PLCB4: variants seen among roughly 807,000 people sequenced by gnomAD.
PLCB4 encodes 1-phosphatidylinositol 4,5-bisphosphate phosphodiesterase beta-4.
Under a neutral mutation model 178.8 loss-of-function variants are expected in PLCB4, and 77 were observed. The observed-to-expected ratio is 0.43, with a 90% confidence interval of 0.36 to 0.52. The LOEUF is 0.52. Ranked by LOEUF, PLCB4 falls within the 20% of genes least tolerant of loss-of-function variation. The probability of loss-of-function intolerance (pLI) is 0.00; values close to 1 mark genes in which losing one functional copy is unlikely to be tolerated. For missense variants in PLCB4, 1,024 were observed against 1,453.4 expected (o/e 0.70, Z 4.80); for synonymous variants, 496 against 490.8 (o/e 1.01, Z -0.14).
intron 7 of PLCB4, among the ~76,000 whole-genome samples, chr20:9,354,465 T>C (rs2034610600): frequency 6.6e-6 from 1 of 152,220 alleles, no homozygotes. Flanking sequence ...TTCTACATGA[T>C]AGACACCTGG....
At chr20:9,148,084 A>G (rs985973757) in intron 2 of PLCB4, among the ~76,000 whole-genome samples, 2 of 152,116 alleles carry the variant, frequency 1.3e-5, no homozygotes, top group East Asian at 1.9e-4. Context: ...TTGTTTTTCT[A>G]TGGAATTATT....
At position 9,085,067 on chromosome 20, in the gene PLCB4, A is replaced by AAAG. The variant is rs10626848; in HGVS notation, c.-134-11219_-134-11218insAGA. ...GACTCCATCTCAAAAAAAAAAAAAA[A>AAAG]AGAATATATTACTTTTTCTTTTTCC... On this transcript the variant is annotated intron_variant, in intron 1 of 39. Coordinates refer to ENST00000378473, the MANE Select transcript of PLCB4 (RefSeq NM_001377142.1). Among the ~76,000 whole-genome samples, 156 of 143,424 alleles carry AAAG rather than the reference A, an allele frequency of 1.1e-3. 12 individuals are homozygous for AAAG. Among genetic ancestry groups the AAAG allele is most frequent in the East Asian group, 4.6e-3 (23 of 5,002 alleles). 94.1% of individuals were successfully genotyped at this position (143,424 alleles called of 152,430 possible). A position where few individuals can be genotyped will look rare whatever the true frequency, so the allele number is the denominator to read the frequency against.
rs145215445 is a variant in PLCB4, at chr20:9,315,251, G to A, written c.84+7353G>A. ...TATTGGAATCATTAGGCTACAACAA[G>A]CTATATAGCAACTTAATGATGATAA... On this transcript the variant is annotated intron_variant, in intron 4 of 39. Transcript: ENST00000378473. 4.3e-3 allele frequency among the ~76,000 whole-genome samples: 659 copies of A among 152,246 alleles called. 8 individuals are homozygous for A. The Middle Eastern group carries it at 0.061, about 14-fold the overall frequency.
At chr20:9,107,592 A>G (rs529524126) in intron 2 of PLCB4, among the ~76,000 whole-genome samples, 2 of 152,174 alleles carry the variant, frequency 1.3e-5, no homozygotes, top group Admixed American at 1.3e-4. Flanking sequence ...GCTGTTTCTG[A>G]AGAAGAGCAA....
At chr20:9,472,349 G>T in intron 36 of PLCB4, among the ~76,000 whole-genome samples, 1 of 152,198 alleles carries the variant, frequency 6.6e-6, no homozygotes, top group Non-Finnish European at 1.5e-5. Context: ...CAGGTGATTG[G>T]TATGCACAGG....
intron 3 of PLCB4, among the ~76,000 whole-genome samples, chr20:9,223,955 T>C (rs550796071): frequency 5.2e-4 from 79 of 152,304 alleles, no homozygotes; most frequent in East Asian, 3.9e-4. Context: ...AGAGATTGCA[T>C]TGTGTTCCTC....
intron 2 of PLCB4, among the ~76,000 whole-genome samples, chr20:9,113,127 C>T (rs2146701928): frequency 6.6e-6 from 1 of 152,252 alleles, no homozygotes; most frequent in South Asian, 2.1e-4. Context: ...ACAGCTTATA[C>T]TTAGAAGAAA....
intron 32 of PLCB4, among the ~76,000 whole-genome samples, chr20:9,447,481 AT>A (rs2042485281): frequency 6.6e-6 from 1 of 152,200 alleles, no homozygotes; most frequent in African/African-American, 2.4e-5. Flanking sequence ...GACCAAGCAG[AT>A]CAAGCATAGT....
intron 7 of PLCB4, among the ~76,000 whole-genome samples, chr20:9,361,732 C>A (rs1568653492): frequency 6.6e-6 from 1 of 152,202 alleles, no homozygotes; most frequent in African/African-American, 2.4e-5. Flanking sequence ...ACGCAGTCAT[C>A]ACCTTTGCCC....
chr20:9,277,861 A>T (rs2094463173), intron 3 of PLCB4, among the ~76,000 whole-genome samples: 1 of 151,760 alleles, frequency 6.6e-6, no homozygotes, highest in Non-Finnish European at 1.5e-5. Flanking sequence ...ATAAAATGAA[A>T]CTGTTTTTTG....
At chr20:9,103,478 T>TA (rs1244886787) in intron 2 of PLCB4, among the ~76,000 whole-genome samples, 2 of 152,194 alleles carry the variant, frequency 1.3e-5, no homozygotes, top group Non-Finnish European at 2.9e-5. Flanking sequence ...TCTTGCTTAA[T>TA]AAAAGATACG....
chr20:9,168,588 C>T (rs1034574584), intron 2 of PLCB4, among the ~76,000 whole-genome samples: 5 of 152,192 alleles, frequency 3.3e-5, no homozygotes, highest in African/African-American at 1.2e-4. Flanking sequence ...TAACAGGCTC[C>T]CAGGTGCTGC....
At chr20:9,108,367 G>A (rs1412882700) in intron 2 of PLCB4, among the ~76,000 whole-genome samples, 1 of 152,060 alleles carries the variant, frequency 6.6e-6, no homozygotes, top group Non-Finnish European at 1.5e-5. Context: ...TAGAGATCAG[G>A]GATAAAGTGA....
In PLCB4 at chr20:9,463,254, C is replaced by T. The variant is rs143921837; in HGVS notation, c.3248+3444C>T. Among the ~76,000 whole-genome samples, 70 of 152,230 alleles carry T rather than the reference C, an allele frequency of 4.6e-4. No individual in the cohort carries two copies. In the East Asian group the frequency reaches 0.01, roughly 22 times the overall value. Reference sequence around the variant, plus strand: ...CACCGCCAGGCCTGCCTTATAAGAGCTCCTGAAGGAAGCATTAAACATGGA... The same window carrying T: ...CACCGCCAGGCCTGCCTTATAAGAGTTCCTGAAGGAAGCATTAAACATGGA... On this transcript the variant is annotated intron_variant, in intron 35 of 39. Transcript: ENST00000378473.
chr20:9,478,309 A>G (rs932384546), intron 39 of PLCB4, among the ~76,000 whole-genome samples: 5 of 152,146 alleles, frequency 3.3e-5, no homozygotes, highest in Admixed American at 6.6e-5. Flanking sequence ...GAGAAGTAAG[A>G]GCCCACAGGG....
intron 28 of PLCB4, among the ~76,000 whole-genome samples, chr20:9,426,504 G>A (rs929124881): frequency 1.3e-5 from 2 of 151,924 alleles, no homozygotes; most frequent in Non-Finnish European, 2.9e-5. Flanking sequence ...TCAGCCTCCC[G>A]ATAGCTAGAA....
intron 2 of PLCB4, among the ~76,000 whole-genome samples, chr20:9,117,714 G>A (rs2091826806): frequency 6.6e-6 from 1 of 152,098 alleles, no homozygotes; most frequent in Non-Finnish European, 1.5e-5. Flanking sequence ...CCTTCTTGCT[G>A]TTGCTGAAAC....
intron 20 of PLCB4, among the ~76,000 whole-genome samples, chr20:9,402,005 A>G (rs1017150446): frequency 2.6e-5 from 4 of 152,214 alleles, no homozygotes; most frequent in Admixed American, 2.6e-4. Context: ...AAAGTACAGT[A>G]AGCATAAAAA....
intron 2 of PLCB4, among the ~76,000 whole-genome samples, chr20:9,140,612 A>G (rs1440330789): frequency 4.6e-5 from 7 of 151,908 alleles, no homozygotes; most frequent in African/African-American, 1.7e-4. Context: ...CCCTCCCCGT[A>G]GTAATGAGTG....
Sources: allele counts gnomAD v4.1 joint callset (sites outside exome capture counted in the v4.1 genomes callset), GRCh38; gene constraint gnomAD v4.1.1; transcripts MANE v1.5; gene names NCBI Gene and HGNC (gene_info 2026-07-23, HGNC 2026-07-21).